Variants in DTWD2 observed in about 807,000 individuals in gnomAD.
The protein encoded by DTWD2 is DTW motif tRNA-uridine aminocarboxypropyltransferase 2.
A neutral mutation model predicts 31.8 loss-of-function variants in DTWD2; 39 were observed. That is an observed-to-expected ratio of 1.22 (90% confidence interval 0.95 to 1.60). DTWD2 has a LOEUF of 1.60. DTWD2 is among the 40% of genes most tolerant of loss of function. The pLI, the probability that DTWD2 is intolerant of heterozygous loss-of-function variation, is 0.00. For missense variants in DTWD2, 515 were observed against 381.5 expected (o/e 1.35, Z -2.92); for synonymous variants, 180 against 142.8 (o/e 1.26, Z -1.86).
Position 118,988,500 on chromosome 5 carries a change from C to G in DTWD2, c.12G>C (p.Gln4His). 1.3e-6 allele frequency: 2 copies of G among 1,576,790 alleles called. No individual in the cohort carries two copies. The highest frequency in any genetic ancestry group is 1.1e-5 in the South Asian group (1 of 87,740). ...GCTCCTGGAGTGTTCGTGCCTCTTT[C>G]TGCGACTCCATGGCGGACACTCCGG... is the stretch of plus-strand genomic sequence containing the variant. Reference protein sequence around the residue: MESQKEARTLQEPV... With the variant: MESHKEARTLQEPV... The change falls in exon 1 of 6, where the codon CAG becomes CAC. Residue 4 changes from glutamine (Q) to histidine (H), a missense_variant. By Grantham distance (24) the Gln-to-His change is conservative. Transcript: ENST00000510708.
chr5:118,885,722 T>A (rs1379115211), intron 4 of DTWD2, among the ~76,000 whole-genome samples: 1 of 149,378 alleles, frequency 6.7e-6, no homozygotes, highest in African/African-American at 2.5e-5. Context: ...GCCAAAATTG[T>A]GCCATTGCAC....
At chr5:118,909,323 C>T (rs531816695) in intron 4 of DTWD2, among the ~76,000 whole-genome samples, 24 of 152,294 alleles carry the variant, frequency 1.6e-4, no homozygotes, top group African/African-American at 5.5e-4. Flanking sequence ...GTTGTGAGCA[C>T]TGAGGACCTC....
intron 4 of DTWD2, among the ~76,000 whole-genome samples, chr5:118,872,139 A>T (rs1752520087): frequency 6.6e-6 from 1 of 152,216 alleles, no homozygotes; most frequent in South Asian, 2.1e-4. Flanking sequence ...GAAGAGAGTT[A>T]GAGCCTTGCT....
chr5:118,969,976 G>A (rs1038614027), intron 1 of DTWD2, among the ~76,000 whole-genome samples: 1 of 152,176 alleles, frequency 6.6e-6, no homozygotes, highest in Admixed American at 6.5e-5. Context: ...AGCCAGTTTA[G>A]AGAGGAACAT....
chr5:118,847,737 A>G (rs1751892203), intron 5 of DTWD2, among the ~76,000 whole-genome samples: 1 of 152,148 alleles, frequency 6.6e-6, no homozygotes, highest in Non-Finnish European at 1.5e-5. Flanking sequence ...AACCAAAAAG[A>G]AGAAAAGGCT....
intron 4 of DTWD2, among the ~76,000 whole-genome samples, chr5:118,915,612 G>C (rs1241771826): frequency 6.6e-6 from 1 of 152,124 alleles, no homozygotes; most frequent in Admixed American, 6.5e-5. Flanking sequence ...CTGACCTTGT[G>C]ATCAGCCTGC....
intron 5 of DTWD2, among the ~76,000 whole-genome samples, chr5:118,847,343 G>A (rs1263599375): frequency 6.6e-6 from 1 of 151,960 alleles, no homozygotes; most frequent in Non-Finnish European, 1.5e-5. Context: ...TTTTAGTTGT[G>A]CTCATTATCC....
chr5:118,856,935 A>G (rs542322315), intron 4 of DTWD2, among the ~76,000 whole-genome samples: 3 of 151,196 alleles, frequency 2.0e-5, no homozygotes, highest in Non-Finnish European at 4.4e-5. Context: ...ACCACGCCCA[A>G]TTAATTTTTT....
At chr5:118,926,166 T>C (rs1160398299) in intron 4 of DTWD2, among the ~76,000 whole-genome samples, 1 of 152,032 alleles carries the variant, frequency 6.6e-6, no homozygotes. Context: ...CATCAACCAA[T>C]GAGTGGACAA....
At chr5:118,894,479 G>A (rs1753039694) in intron 4 of DTWD2, among the ~76,000 whole-genome samples, 1 of 152,140 alleles carries the variant, frequency 6.6e-6, no homozygotes, top group South Asian at 2.1e-4. Flanking sequence ...TCATAGCAGT[G>A]TGGTATTGCT....
intron 4 of DTWD2, among the ~76,000 whole-genome samples, chr5:118,870,249 T>C (rs766962546): frequency 1.3e-5 from 2 of 152,210 alleles, no homozygotes; most frequent in African/African-American, 2.4e-5. Context: ...CATACACATA[T>C]GCATAATGAC....
intron 4 of DTWD2, among the ~76,000 whole-genome samples, chr5:118,870,514 T>C (rs933418439): frequency 6.6e-6 from 1 of 152,220 alleles, no homozygotes; most frequent in Non-Finnish European, 1.5e-5. Flanking sequence ...TCCCAGCACA[T>C]ATAAAAGTTT....
At chr5:118,972,933 T>C (rs1027159239) in intron 1 of DTWD2, among the ~76,000 whole-genome samples, 2 of 152,208 alleles carry the variant, frequency 1.3e-5, no homozygotes, top group African/African-American at 4.8e-5. Flanking sequence ...TGCATATATA[T>C]TTAGGATAGT....
In DTWD2 at chr5:118,841,088, C is replaced by T. The variant is rs1259341540; in HGVS notation, c.727-1G>A. ...AAGCTTGAAGAGGGCGAAGCAAAGT[C>T]TGTCAAGAGAAAAAAGACACTAAAA... On this transcript the variant is annotated splice_acceptor_variant, in intron 5 of 5. Transcript: ENST00000510708. LOFTEE classifies it high-confidence loss of function. The T allele has an allele frequency of 1.2e-6, 2 of 1,606,032 alleles. No individual in the cohort carries two copies. Among genetic ancestry groups the T allele is most frequent in the Admixed American group, 1.7e-5 (1 of 59,016 alleles).
chr5:118,899,975 T>C (rs1261004072), intron 4 of DTWD2, among the ~76,000 whole-genome samples: 3 of 152,010 alleles, frequency 2.0e-5, no homozygotes, highest in Admixed American at 6.6e-5. Context: ...AAATTTTTTA[T>C]ACTTTTTGGT....
chr5:118,933,693 T>G (rs951137430), intron 3 of DTWD2, among the ~76,000 whole-genome samples: 21 of 152,104 alleles, frequency 1.4e-4, no homozygotes, highest in African/African-American at 4.8e-4. Flanking sequence ...ATAGCTAGCA[T>G]TATACGTAAT....
chr5:118,850,114 G>C (rs1430322359), intron 4 of DTWD2, among the ~76,000 whole-genome samples: 1 of 151,728 alleles, frequency 6.6e-6, no homozygotes, highest in Admixed American at 6.6e-5. Context: ...GGGATAACTG[G>C]TTAACTATAT....
At position 118,850,769 on chromosome 5, in the gene DTWD2, C is replaced by T. The variant is rs566222675; in HGVS notation, c.598-2551G>A. On this transcript the variant is annotated intron_variant, in intron 4 of 5. Coordinates refer to ENST00000510708, the MANE Select transcript of DTWD2 (RefSeq NM_173666.4). ...TGAAATTATTTGCAAACTATGCATC[C>T]AACAAAGCTCTAATATCCAGAATCT... is the stretch of plus-strand genomic sequence containing the variant. Among the ~76,000 whole-genome samples the T allele has an allele frequency of 8.6e-4, 131 of 152,066 alleles. No individual in the cohort carries two copies. In the Middle Eastern group the frequency reaches 0.02, roughly 24 times the overall value.
At chr5:118,917,960 CA>C (rs1009438240) in intron 4 of DTWD2, among the ~76,000 whole-genome samples, 34 of 138,252 alleles carry the variant, frequency 2.5e-4, no homozygotes, top group Non-Finnish European at 2.4e-4. Flanking sequence ...GCAAGACTCT[CA>C]AAAAAAAAAA....
Sources: allele counts gnomAD v4.1 joint callset (sites outside exome capture counted in the v4.1 genomes callset), GRCh38; gene constraint gnomAD v4.1.1; transcripts MANE v1.5; gene names NCBI Gene and HGNC (gene_info 2026-07-23, HGNC 2026-07-21).